TBC1D7: variants seen among roughly 807,000 people sequenced by gnomAD.
TBC1D7 encodes TBC domain family 7.
TBC1D7 carries 33 observed loss-of-function variants against 35.3 expected under a neutral mutation model. The ratio of observed to expected loss-of-function variants is 0.93; its 90% CI spans 0.71 to 1.25. TBC1D7 has a LOEUF of 1.25. Among genes scored for constraint, TBC1D7 ranks in the 50% most tolerant of loss-of-function variants. TBC1D7 has a pLI of 0.00. For synonymous variants in TBC1D7, 135 were observed against 129.5 expected (o/e 1.04, Z -0.29); for missense variants, 362 against 365.3 (o/e 0.99, Z 0.07).
At chr6:13,319,321 G>C (rs1783857759) in intron 4 of TBC1D7, 2 of 152,088 alleles carry the variant, frequency 1.3e-5, no homozygotes, top group African/African-American at 4.8e-5. Context: ...TTAGCCGGGA[G>C]TGGTGGTGCG....
At chr6:13,308,389 T>G (rs1351875754) in intron 5 of TBC1D7, among the ~76,000 whole-genome samples, 1 of 152,130 alleles carries the variant, frequency 6.6e-6, no homozygotes, top group Admixed American at 6.5e-5. Context: ...GCACAAGAAT[T>G]TCTTAGAATT....
chr6:13,316,853 T>C, intron 4 of TBC1D7, 145 bp from the exon 5 acceptor site: 1 of 952,378 alleles, frequency 1.0e-6, no homozygotes, highest in East Asian at 2.5e-5. Context: ...ACAGAGTCCC[T>C]CCCTGAAGAG....
chr6:13,315,551 TAA>T (rs1454205232), intron 5 of TBC1D7, among the ~76,000 whole-genome samples: 1 of 151,936 alleles, frequency 6.6e-6, no homozygotes, highest in Non-Finnish European at 1.5e-5. Flanking sequence ...CCGTCTCTAC[TAA>T]AAAAGATACA....
intron 3 of TBC1D7, 106 bp downstream of exon 3, chr6:13,324,988 A>C (rs1784306609): frequency 2.6e-6 from 2 of 754,956 alleles, no homozygotes; most frequent in African/African-American, 3.6e-5. Flanking sequence ...TCCAATATTC[A>C]GTAAAAGGCC....
In TBC1D7 at chr6:13,307,726, T is replaced by C. The variant is rs1419004308; in HGVS notation, c.539A>G (p.Tyr180Cys). The C allele has an allele frequency of 6.2e-7, 1 of 1,613,930 alleles. No homozygotes were observed. The highest frequency in any genetic ancestry group is 8.5e-7 in the Non-Finnish European group (1 of 1,179,972). Residue 180 changes from tyrosine to cysteine, a missense_variant, in exon 6 of 8, where the codon TAC becomes TGC. Transcript: ENST00000379300. ...LPQLPKAFEQ[Y>C]LNLEDGRLLT... is the part of the protein sequence containing the mutation. ...CAGTCTGCCATCTTCCAGATTCAAG[T>C]ATTGTTCAAACGCTTTTGGCTAAAG... is the stretch of plus-strand genomic sequence containing the variant.
chr6:13,307,668 G>A lies in TBC1D7; in HGVS notation c.597C>T (p.Pro199=). The A allele has an allele frequency of 6.2e-7, 1 of 1,614,122 alleles. No homozygotes were observed. Among genetic ancestry groups the A allele is most frequent in the Non-Finnish European group, 8.5e-7 (1 of 1,180,014 alleles). Residue 199 remains proline, a synonymous_variant, in exon 6 of 8, where the codon CCC becomes CCT. Transcript: ENST00000379300. ...TGAACCAGAGATCATAAGGAAGTTT[G>A]GGCGCCGCGGAACACATCCTCAGAT... The part of the protein sequence containing the change: ...LTHLRMCSAA[P]KLPYDLWFKR...
In TBC1D7 at chr6:13,320,937, T is replaced by G; in HGVS notation, c.352A>C (p.Lys118Gln). The G allele has an allele frequency of 6.2e-7, 1 of 1,614,146 alleles. No homozygotes were observed. Among genetic ancestry groups the G allele is most frequent in the Non-Finnish European group, 8.5e-7 (1 of 1,180,030 alleles). ...GGAAAAGAGGGACTTCGAGGTAACTTCCCAGACTCCAGCTGATACATGCGG... is the reference window on the plus strand; with the variant it reads ...GGAAAAGAGGGACTTCGAGGTAACTGCCCAGACTCCAGCTGATACATGCGG... ...YLRMYQLESGKLPRSPSFPLE... is the reference protein window; with the variant it reads ...YLRMYQLESGQLPRSPSFPLE... The change falls in exon 4 of 8, where the codon AAG becomes CAG. Residue 118 changes from lysine to glutamine, a missense_variant. Physicochemically the swap from Lys to Gln is moderately conservative, Grantham distance 53. Transcript: ENST00000379300.
rs145787197 is a variant in TBC1D7 at position 13,309,988 on chromosome 6, C to T, written c.520-2243G>A. Among the ~76,000 whole-genome samples the T allele has an allele frequency of 3.9e-3, 593 of 152,298 alleles. 2 individuals are homozygous for T. Among genetic ancestry groups the T allele is most frequent in the African/African-American group, 0.012 (518 of 41,570 alleles). ...ATAAAATTACACTGAAGTATCACTG[C>T]CTACCTATCAGAATGGCAAAAATTC... On this transcript the variant is annotated intron_variant, in intron 5 of 7. Transcript: ENST00000379300.
chr6:13,316,536 C>G, intron 5 of TBC1D7, 35 bp downstream of exon 5: 1 of 1,592,852 alleles, frequency 6.3e-7, no homozygotes, highest in Non-Finnish European at 8.5e-7. Flanking sequence ...CCATTGTTCA[C>G]TCTCCAATAG....
intron 4 of TBC1D7, 127 bp from the exon 5 acceptor site, chr6:13,316,835 C>T: frequency 8.7e-7 from 1 of 1,151,462 alleles, no homozygotes; most frequent in Non-Finnish European, 1.2e-6. Flanking sequence ...AAAGTAGGAT[C>T]AAAAAGCACA....
intron 3 of TBC1D7, 100 bp from the exon 4 acceptor site, chr6:13,321,195 A>C: frequency 1.1e-6 from 1 of 951,318 alleles, no homozygotes; most frequent in Non-Finnish European, 1.6e-6. Context: ...GACCCACACA[A>C]TTAGGCTAGA....
rs1554192251 is a variant in TBC1D7, at chr6:13,304,971, T to TG, written c.*129dup. On this transcript the variant is annotated 3_prime_UTR_variant, in exon 8 of 8. Transcript: ENST00000379300. ...AGGCATTTCAATTAAATAATTTTAT[T>TG]GGGGGAAAAAAACCACTTTGAGCAC... The TG allele has an allele frequency of 9.2e-6, 6 of 653,652 alleles. No homozygotes were observed. The highest frequency in any genetic ancestry group is 1.3e-5 in the Non-Finnish European group (5 of 396,508). The allele number at this position is 653,652 out of a possible 1,614,324, so 40.5% of individuals were successfully genotyped here. A position where few individuals can be genotyped will look rare whatever the true frequency, so the allele number is the denominator to read the frequency against.
At chr6:13,316,928 T>C (rs991915134) in intron 4 of TBC1D7, among the ~76,000 whole-genome samples, 1 of 152,188 alleles carries the variant, frequency 6.6e-6, no homozygotes, top group Admixed American at 6.5e-5. Context: ...TGACCAGGTT[T>C]CAGGCTGAGT....
intron 5 of TBC1D7, among the ~76,000 whole-genome samples, chr6:13,308,158 A>C (rs540828375): frequency 6.6e-6 from 1 of 152,320 alleles, no homozygotes; most frequent in African/African-American, 2.4e-5. Context: ...TAAGGAAAAA[A>C]GGGGGAAAGA....
At position 13,325,223 on chromosome 6, in the gene TBC1D7, G is replaced by A. The variant is rs941905802; in HGVS notation, c.113-49C>T. 1.7e-5 allele frequency: 23 copies of A among 1,316,648 alleles called. No homozygotes were observed. The African/African-American group carries it at 2.5e-4, about 14-fold the overall frequency. 81.6% of individuals were successfully genotyped at this position (1,316,648 alleles called of 1,614,324 possible). On this transcript the variant is annotated intron_variant, in intron 2 of 7. Transcript: ENST00000379300. ...TTAGAAGCTTTTCATGCTGATCACAGTATGTCAAGGCACATTTCATTTTTT... is the reference window on the plus strand; with the variant it reads ...TTAGAAGCTTTTCATGCTGATCACAATATGTCAAGGCACATTTCATTTTTT...
chr6:13,326,757 C>T (rs1322804860), intron 2 of TBC1D7, 30 bp downstream of exon 2: 6 of 1,394,026 alleles, frequency 4.3e-6, no homozygotes, highest in Admixed American at 3.5e-5. Context: ...TGATTGAGAA[C>T]CAATGAGATT....
At chr6:13,312,301 G>T (rs373327715) in intron 5 of TBC1D7, among the ~76,000 whole-genome samples, 1 of 152,142 alleles carries the variant, frequency 6.6e-6, no homozygotes, top group Non-Finnish European at 1.5e-5. Context: ...GCAGGTAAGC[G>T]TAAGAGTGAA....
chr6:13,308,001 A>C (rs1782928051), intron 5 of TBC1D7, among the ~76,000 whole-genome samples: 1 of 152,180 alleles, frequency 6.6e-6, no homozygotes, highest in Non-Finnish European at 1.5e-5. Context: ...GTCCCAGGCA[A>C]AATGGAATGG....
chr6:13,316,526 C>T (rs756794560), intron 5 of TBC1D7, 45 bp downstream of exon 5: 5 of 1,590,680 alleles, frequency 3.1e-6, no homozygotes, highest in Non-Finnish European at 4.3e-6. Context: ...ACCCCCACTA[C>T]CATTGTTCAC....
Sources: gnomAD v4.1 joint callset for allele counts (sites outside exome capture counted in the v4.1 genomes callset) on GRCh38, gnomAD v4.1.1 for gene constraint, MANE v1.5 for transcripts, NCBI Gene and HGNC (gene_info 2026-07-23, HGNC 2026-07-21) for gene names.